The following PIEZO1 variants were observed in gnomAD, a reference collection of about 807,000 sequenced individuals.
PIEZO1 encodes piezo-type mechanosensitive ion channel component 1.
Under a neutral mutation model 297.2 loss-of-function variants are expected in PIEZO1, and 296 were observed. That is an observed-to-expected ratio of 1.00 (90% confidence interval 0.91 to 1.10). The LOEUF (loss-of-function observed/expected upper bound fraction) is 1.10. Among genes scored for constraint, PIEZO1 ranks in the 50% least tolerant of loss-of-function variants. The pLI is 0.00. For missense variants in PIEZO1, 5,018 were observed against 3,455.5 expected (o/e 1.45, Z -11.34); for synonymous variants, 2,427 against 1,507.5 (o/e 1.61, Z -14.13).
intron 2 of PIEZO1, among the ~76,000 whole-genome samples, chr16:88,746,842 A>G (rs74455340): frequency 2.1e-3 from 326 of 152,320 alleles, no homozygotes; most frequent in African/African-American, 7.3e-3. Context: ...TGGGCATGAA[A>G]TATTTACGGA....
At chr16:88,776,071 A>G (rs1263100645) in intron 1 of PIEZO1, among the ~76,000 whole-genome samples, 1 of 152,232 alleles carries the variant, frequency 6.6e-6, no homozygotes, top group Non-Finnish European at 1.5e-5. Flanking sequence ...TGGGGAGCGC[A>G]GGGGCAGTTT....
At chr16:88,743,954 G>C in intron 2 of PIEZO1, 1 of 282,948 alleles carries the variant, frequency 3.5e-6, no homozygotes, top group Admixed American at 4.6e-5. Context: ...ACACGAACAG[G>C]AGCCACCACC....
At position 88,715,915 on chromosome 16, in the gene PIEZO1, C is replaced by T; in HGVS notation, c.7316+18G>A. 6.5e-7 allele frequency: 1 copy of T among 1,547,018 alleles called. No homozygotes were observed. Among genetic ancestry groups the T allele is most frequent in the Non-Finnish European group, 8.7e-7 (1 of 1,144,418 alleles). On this transcript the variant is annotated intron_variant, in intron 50 of 50. Coordinates refer to ENST00000301015, the MANE Select transcript of PIEZO1 (RefSeq NM_001142864.4). ...GAGCCCCCCGAGCTGCGGGGTGCCC[C>T]CCCAGCCACTCACTCACCCGTAGCC...
rs2142784865 is a variant in PIEZO1, at chr16:88,726,440, T to G, written c.3812A>C (p.Asp1271Ala). ...KGYYDPKEMM[D>A]RDQDCLLPVE... ...AGGCAGCAGGCAGTCCTGGTCTCTG[T>G]CCATCATCTCCTTGGCTGCAAGGCA... is the stretch of plus-strand genomic sequence containing the variant. Residue 1271 changes from aspartate to alanine, a missense_variant, in exon 27 of 51, where the codon GAC (aspartate) becomes GCC (alanine). By Grantham distance (126) the Asp-to-Ala change is moderately radical. Transcript: ENST00000301015. 1.3e-6 allele frequency: 2 copies of G among 1,550,096 alleles called. No individual in the cohort carries two copies.
chr16:88,756,809 G>A (rs994951572), intron 1 of PIEZO1, among the ~76,000 whole-genome samples: 1 of 151,720 alleles, frequency 6.6e-6, no homozygotes, highest in South Asian at 2.1e-4. Context: ...AGGTGCAGTG[G>A]CTCATGCCTG....
At chr16:88,755,798 G>C (rs1297476964) in intron 1 of PIEZO1, among the ~76,000 whole-genome samples, 7 of 152,208 alleles carry the variant, frequency 4.6e-5, no homozygotes, top group African/African-American at 1.7e-4. Flanking sequence ...CCTCACAGGA[G>C]AGCCTCGGGC....
chr16:88,758,866 T>C (rs1597478478), intron 1 of PIEZO1, among the ~76,000 whole-genome samples: 2 of 152,140 alleles, frequency 1.3e-5, no homozygotes, highest in South Asian at 2.1e-4. Context: ...CATGCACCAA[T>C]CCCTGTGGCA....
Position 88,737,628 on chromosome 16 carries a change from G to A in PIEZO1, c.1126C>T (p.Pro376Ser), listed in dbSNP as rs1474972037. 1.1e-5 allele frequency: 17 copies of A among 1,534,866 alleles called. No homozygotes were observed. The highest frequency in any genetic ancestry group is 1.8e-4 in the Middle Eastern group (1 of 5,640). Reference sequence around the variant, plus strand: ...ATGCAGTTATCAGCCTCGGTGTCGGGTGCTGTGGGCACCACGTGCTGTGGG... The same window carrying A: ...ATGCAGTTATCAGCCTCGGTGTCGGATGCTGTGGGCACCACGTGCTGTGGG... The part of the protein sequence containing the change: ...ESDQHVVPTA[P>S]DTEADNCIVH... Residue 376 changes from proline to serine, a missense_variant, in exon 10 of 51, where the codon CCC becomes TCC. Coordinates refer to ENST00000301015, the MANE Select transcript of PIEZO1 (RefSeq NM_001142864.4).
chr16:88,726,497 G>A (rs1052916659), intron 26 of PIEZO1, 42 bp from the exon 27 acceptor site: 2 of 1,547,264 alleles, frequency 1.3e-6, no homozygotes, highest in Non-Finnish European at 8.7e-7. Flanking sequence ...CAGGGCCCAG[G>A]AGCAGGGGGC....
chr16:88,734,846 C>T, intron 14 of PIEZO1, 29 bp downstream of exon 14: 1 of 1,550,140 alleles, frequency 6.5e-7, no homozygotes, highest in South Asian at 1.2e-5. Context: ...GGGTCCGTGC[C>T]CCAGCCCCCA....
intron 2 of PIEZO1, chr16:88,743,921 CAGGA>C: frequency 6.6e-6 from 2 of 301,270 alleles, no homozygotes; most frequent in East Asian, 9.2e-5. Context: ...GAAAACCGTC[CAGGA>C]AGGGAGGCTG....
At chr16:88,730,786 G>A (rs1328154556) in intron 22 of PIEZO1, among the ~76,000 whole-genome samples, 1 of 152,206 alleles carries the variant, frequency 6.6e-6, no homozygotes, top group African/African-American at 2.4e-5. Context: ...GACCCACTCA[G>A]CAGAGGGGAG....
rs73266607 is a variant in PIEZO1, at chr16:88,732,597, T to C, written c.2790+10A>G. 15,999 of 1,547,168 alleles carry C rather than the reference T, an allele frequency of 0.01. 1,291 individuals are homozygous for C. The African/African-American group carries it at 0.18, about 18-fold the overall frequency. ...CGCCCGCCCAGCCGCCCACCAGCCCTTCAACTCACCTGGATGTAGCCCAGG... is the reference window on the plus strand; with the variant it reads ...CGCCCGCCCAGCCGCCCACCAGCCCCTCAACTCACCTGGATGTAGCCCAGG... On this transcript the variant is annotated intron_variant, in intron 20 of 50. Transcript: ENST00000301015.
chr16:88,720,557 G>C (rs1301204914), intron 40 of PIEZO1, 25 bp from the exon 41 acceptor site: 1 of 1,547,872 alleles, frequency 6.5e-7, no homozygotes, highest in East Asian at 2.4e-5. Flanking sequence ...GCTCAGCCTG[G>C]GCCCAGTACC....
chr16:88,722,125 G>A (rs775574575), intron 36 of PIEZO1, 59 bp from the exon 37 acceptor site: 130 of 1,523,584 alleles, frequency 8.5e-5, no homozygotes, highest in Admixed American at 1.6e-4. Flanking sequence ...ATGACGGCCC[G>A]ATCTGTTGCC....
chr16:88,742,328 G>T lies in PIEZO1; in HGVS notation c.255C>A (p.Pro85=). Residue 85 remains proline, a synonymous_variant, in exon 3 of 51, where the codon CCC becomes CCA. Coordinates refer to ENST00000301015, the MANE Select transcript of PIEZO1 (RefSeq NM_001142864.4). The part of the protein sequence containing the change: ...LALQICLHIV[P]RLDQLLGPSC... ...TGGGTCCCAGGAGCTGGTCCAGGCG[G>T]GGCACAATATGCAGGCAGATCTGGA... is the stretch of plus-strand genomic sequence containing the variant. 6.5e-7 allele frequency: 1 copy of T among 1,535,192 alleles called. No homozygotes were observed. Among genetic ancestry groups the T allele is most frequent in the Non-Finnish European group, 8.7e-7 (1 of 1,146,484 alleles).
At position 88,719,899 on chromosome 16, in the gene PIEZO1, G is replaced by C. The variant is rs755399757; in HGVS notation, c.6226C>G (p.Leu2076Val). ...WYFVKCIYFA[L>V]SAYQIRCGYP... Reference sequence around the variant, plus strand: ...CCGCAGCGGATCTGGTAGGCGGACAGGGCGAAGTAGATGCACTTCACGAAG... The same window carrying C: ...CCGCAGCGGATCTGGTAGGCGGACACGGCGAAGTAGATGCACTTCACGAAG... Residue 2076 changes from leucine (L) to valine (V), a missense_variant, in exon 43 of 51, where the codon CTG becomes GTG. By Grantham distance (32) the Leu-to-Val change is conservative. Coordinates refer to ENST00000301015, the MANE Select transcript of PIEZO1 (RefSeq NM_001142864.4). 1 of 1,550,322 alleles carries C rather than the reference G, an allele frequency of 6.5e-7. No homozygotes were observed. The highest frequency in any genetic ancestry group is 8.7e-7 in the Non-Finnish European group (1 of 1,146,950).
intron 1 of PIEZO1, among the ~76,000 whole-genome samples, chr16:88,766,026 A>T (rs1907161441): frequency 6.6e-6 from 1 of 152,160 alleles, no homozygotes; most frequent in Non-Finnish European, 1.5e-5. Context: ...GACCAGAGAC[A>T]TCACATGCGA....
At chr16:88,723,795 C>T (rs1904302853) in intron 31 of PIEZO1, 76 bp downstream of exon 31, 1 of 787,206 alleles carries the variant, frequency 1.3e-6, no homozygotes, top group African/African-American at 1.7e-5. Context: ...GGGCATCTGA[C>T]ACCCTCTATG....
Sources: gnomAD v4.1 joint callset for allele counts (sites outside exome capture counted in the v4.1 genomes callset) on GRCh38, gnomAD v4.1.1 for gene constraint, MANE v1.5 for transcripts, NCBI Gene and HGNC (gene_info 2026-07-23, HGNC 2026-07-21) for gene names.